NKX1-1: variants seen among roughly 807,000 people sequenced by gnomAD.
NKX1-1 encodes the protein NK1 transcription factor-related protein 1.
Under a neutral mutation model 1.7 loss-of-function variants are expected in NKX1-1, and 7 were observed. The ratio of observed to expected loss-of-function variants is 4.22; its 90% CI spans 2.40 to 7.92. The LOEUF (loss-of-function observed/expected upper bound fraction) is 7.92, where lower values mean the gene tolerates loss of function less well. Ranked by LOEUF, NKX1-1 falls within the 30% of genes most tolerant of loss-of-function variation. The pLI, the probability that NKX1-1 is intolerant of heterozygous loss-of-function variation, is 0.00. For synonymous variants in NKX1-1, 242 were observed against 85.3 expected, an observed-to-expected ratio of 2.84 and a Z score of -10.13; for missense variants, 453 against 171.5, an observed-to-expected ratio of 2.64 and a Z score of -9.17.
chr4:1,404,235 C>A (rs568202156), intron 1 of NKX1-1, among the ~76,000 whole-genome samples: 83 of 152,356 alleles, frequency 5.4e-4, no homozygotes, highest in African/African-American at 1.9e-3. Context: ...AGTGTACAAA[C>A]TAGTTAAGGC....
chr4:1,406,282 G>T lies in NKX1-1; in HGVS notation c.161C>A (p.Pro54Gln), dbSNP rs767512389. ...AGGCACAGTGTCGCTGGCCGCGAGC[G>T]GCGGGGCTCCAGCGCGGGGAAAGGC... ...LPAFPRAGAPPLAASDTVPAA... is the reference protein window; with the variant it reads ...LPAFPRAGAPQLAASDTVPAA... The change falls in exon 1 of 2, where the codon CCG (proline) becomes CAG (glutamine). Residue 54 changes from proline (P) to glutamine (Q), a missense_variant. Pro to Gln is a moderately conservative substitution (Grantham distance 76). Transcript: ENST00000422806. 8 of 410,956 alleles carry T rather than the reference G, an allele frequency of 1.9e-5. No individual in the cohort carries two copies. Among genetic ancestry groups the T allele is most frequent in the Non-Finnish European group, 3.0e-5 (7 of 235,946 alleles). 25.5% of individuals were successfully genotyped at this position (410,956 alleles called of 1,614,324 possible).
Position 1,406,255 on chromosome 4 carries a change from G to A in NKX1-1, c.188C>T (p.Ala63Val), listed in dbSNP as rs1251552066. Residue 63 changes from alanine (A) to valine (V), a missense_variant, in exon 1 of 2, where the codon GCG (alanine) becomes GTG (valine). Ala to Val is a moderately conservative substitution (Grantham distance 64). Transcript: ENST00000422806. ...GGCCGCTCCAGCCCCCTCGGGCGCC[G>A]CAGGCACAGTGTCGCTGGCCGCGAG... ...PPLAASDTVPAAPEGAGAARP... is the reference protein window; with the variant it reads ...PPLAASDTVPVAPEGAGAARP... The A allele has an allele frequency of 6.6e-6, 3 of 453,878 alleles. No homozygotes were observed. The highest frequency in any genetic ancestry group is 1.1e-5 in the Non-Finnish European group (3 of 261,308). The allele number at this position is 453,878 out of a possible 1,614,324, so 28.1% of individuals were successfully genotyped here.
rs757699817 is a variant in NKX1-1, at chr4:1,403,679, T to TTCGTCCTCGTCG, written c.588_599dup (p.Asp196_Asp199dup). 3 of 672,838 alleles carry TTCGTCCTCGTCG rather than the reference T, an allele frequency of 4.5e-6. No individual in the cohort carries two copies. The highest frequency in any genetic ancestry group is 8.0e-6 in the Non-Finnish European group (3 of 375,920). 41.7% of individuals were successfully genotyped at this position (672,838 alleles called of 1,614,324 possible). ...CTCGCGCCGCCTCCGTCTCGGGCGC[T>TTCGTCCTCGTCG]TCGTCCTCGTCGTCGTCCTCGTCGT... is the stretch of plus-strand genomic sequence containing the variant. On this transcript the variant is annotated inframe_insertion, in exon 2 of 2. Coordinates refer to ENST00000422806, the MANE Select transcript of NKX1-1 (RefSeq NM_001290079.1).
At position 1,403,423 on chromosome 4, in the gene NKX1-1, G is replaced by A. The variant is rs1280958300; in HGVS notation, c.856C>T (p.Arg286Cys). The A allele has an allele frequency of 1.1e-5, 7 of 649,442 alleles. No homozygotes were observed. The highest frequency in any genetic ancestry group is 1.7e-5 in the Non-Finnish European group (6 of 359,758). The allele number at this position is 649,442 out of a possible 1,614,324, so 40.2% of individuals were successfully genotyped here. A position where few individuals can be genotyped will look rare whatever the true frequency, so the allele number is the denominator to read the frequency against. The change falls in exon 2 of 2, where the codon CGC becomes TGC. Residue 286 changes from arginine to cysteine, a missense_variant. By Grantham distance (180) the Arg-to-Cys change is radical. Transcript: ENST00000422806. ...TATAAKPKRK[R>C]TGSDSKSGKP... ...CCGGACTTGGAGTCGGACCCCGTGC[G>A]CTTCCGCTTGGGCTTCGCCGCCGTC...
chr4:1,406,282 G>C lies in NKX1-1; in HGVS notation c.161C>G (p.Pro54Arg), dbSNP rs767512389. Reference sequence around the variant, plus strand: ...AGGCACAGTGTCGCTGGCCGCGAGCGGCGGGGCTCCAGCGCGGGGAAAGGC... The same window carrying C: ...AGGCACAGTGTCGCTGGCCGCGAGCCGCGGGGCTCCAGCGCGGGGAAAGGC... ...LPAFPRAGAP[P>R]LAASDTVPAA... The change falls in exon 1 of 2, where the codon CCG (proline) becomes CGG (arginine). Residue 54 changes from proline (P) to arginine (R), a missense_variant. By Grantham distance (103) the Pro-to-Arg change is moderately radical (BLOSUM62 -2). Transcript: ENST00000422806. The C allele has an allele frequency of 3.6e-5, 15 of 411,064 alleles. No individual in the cohort carries two copies. In the East Asian group the frequency reaches 5.2e-4, roughly 14 times the overall value. 25.5% of individuals were successfully genotyped at this position (411,064 alleles called of 1,614,324 possible). A position where few individuals can be genotyped will look rare whatever the true frequency, so the allele number is the denominator to read the frequency against.
chr4:1,404,921 G>T (rs1274870881), intron 1 of NKX1-1, among the ~76,000 whole-genome samples: 1 of 152,206 alleles, frequency 6.6e-6, no homozygotes, highest in African/African-American at 2.4e-5. Context: ...AGACGACCGC[G>T]AGCGCCGTCC....
intron 1 of NKX1-1, among the ~76,000 whole-genome samples, chr4:1,405,707 G>C (rs923253875): frequency 1.3e-5 from 2 of 152,144 alleles, no homozygotes; most frequent in African/African-American, 2.4e-5. Flanking sequence ...GGCCGGAGAC[G>C]CGCGGAGGCG....
At position 1,402,997 on chromosome 4, in the gene NKX1-1, G is replaced by A; in HGVS notation, c.1282C>T (p.Leu428Phe). ...QLPFLSSPAV[L>F]SPFVLGSQTY... ...TGCGAGCCCAGCACGAAGGGCGAGA[G>A]CACCGCCGGGCTCGACAGGAACGGC... Residue 428 changes from leucine to phenylalanine, a missense_variant, in exon 2 of 2, where the codon CTC becomes TTC. Physicochemically the swap from Leu to Phe is conservative, Grantham distance 22. Coordinates refer to ENST00000422806, the MANE Select transcript of NKX1-1 (RefSeq NM_001290079.1). 1 of 647,224 alleles carries A rather than the reference G, an allele frequency of 1.5e-6. No individual in the cohort carries two copies. The allele number at this position is 647,224 out of a possible 1,614,324, so 40.1% of individuals were successfully genotyped here.
rs1720746191 is a variant in NKX1-1, at chr4:1,406,086, G to A, written c.357C>T (p.Cys119=). 1 of 537,174 alleles carries A rather than the reference G, an allele frequency of 1.9e-6. No individual in the cohort carries two copies. 33.3% of individuals were successfully genotyped at this position (537,174 alleles called of 1,614,324 possible). ...AACAPCASAP[C]APAPAASGRP... is the part of the protein sequence containing the mutation. The stretch of plus-strand genomic sequence containing the variant: ...GTCCCGAGGCGGCGGGTGCAGGGGC[G>A]CATGGGGCCGAAGCGCAAGGGGCGC... Residue 119 remains cysteine, a synonymous_variant, in exon 1 of 2, where the codon TGC becomes TGT. Coordinates refer to ENST00000422806, the MANE Select transcript of NKX1-1 (RefSeq NM_001290079.1).
Position 1,403,245 on chromosome 4 carries a change from T to A in NKX1-1, c.1034A>T (p.Gln345Leu). The change falls in exon 2 of 2, where the codon CAG becomes CTG. Residue 345 changes from glutamine to leucine, a missense_variant. By Grantham distance (113) the Gln-to-Leu change is moderately radical (BLOSUM62 -2). Transcript: ENST00000422806. ...LTETQVKIWF[Q>L]NRRTKWKKQN... ...CTTCTTCCACTTGGTTCGGCGGTTC[T>A]GGAACCAGATCTTCACCTGCGTCTC... 1 of 736,948 alleles carries A rather than the reference T, an allele frequency of 1.4e-6. No homozygotes were observed. The highest frequency in any genetic ancestry group is 1.8e-5 in the African/African-American group (1 of 55,878). 45.7% of individuals were successfully genotyped at this position (736,948 alleles called of 1,614,324 possible).
intron 1 of NKX1-1, among the ~76,000 whole-genome samples, chr4:1,405,002 C>T (rs1313751288): frequency 2.0e-5 from 3 of 152,238 alleles, no homozygotes; most frequent in African/African-American, 4.8e-5. Flanking sequence ...CCGGCTTCAG[C>T]GGGATCCCGG....
At position 1,406,003 on chromosome 4, in the gene NKX1-1, C is replaced by A; in HGVS notation, c.440G>T (p.Gly147Val). 2.1e-6 allele frequency: 1 copy of A among 475,546 alleles called. No homozygotes were observed. The highest frequency in any genetic ancestry group is 3.6e-6 in the Non-Finnish European group (1 of 275,344). The allele number at this position is 475,546 out of a possible 1,614,324, so 29.5% of individuals were successfully genotyped here. ...RRALAGAGGV[G>V]AAGAEPPNAG... ...ACTCGGCGGCTCAGCTCCGGCGGCT[C>A]CGACTCCCCCGGCGCCGGCGAGGGC... Residue 147 changes from glycine (G) to valine (V), a missense_variant, in exon 1 of 2, where the codon GGA becomes GTA. Transcript: ENST00000422806.
intron 1 of NKX1-1, among the ~76,000 whole-genome samples, chr4:1,404,017 CG>C (rs970872799): frequency 2.6e-5 from 4 of 152,160 alleles, no homozygotes; most frequent in Non-Finnish European, 5.9e-5. Context: ...TCCCGCCGCC[CG>C]CGTCTCCTCT....
At position 1,405,840 on chromosome 4, in the gene NKX1-1, C is replaced by T. The variant is rs113079298; in HGVS notation, c.463+140G>A. 8.5e-4 allele frequency: 338 copies of T among 396,654 alleles called. 3 individuals carry two copies. Among genetic ancestry groups the T allele is most frequent in the African/African-American group, 5.0e-3 (240 of 48,098 alleles). The allele number at this position is 396,654 out of a possible 1,614,324, so 24.6% of individuals were successfully genotyped here. ...GATGGAGGCCACGGGTGGGCTGGTGCGGACCCGGCGCTCAGCGAACTTTCC... is the reference window on the plus strand; with the variant it reads ...GATGGAGGCCACGGGTGGGCTGGTGTGGACCCGGCGCTCAGCGAACTTTCC... On this transcript the variant is annotated intron_variant, in intron 1 of 1. Transcript: ENST00000422806.
At chr4:1,405,525 T>A (rs1031380510) in intron 1 of NKX1-1, among the ~76,000 whole-genome samples, 5 of 152,096 alleles carry the variant, frequency 3.3e-5, no homozygotes, top group Non-Finnish European at 7.4e-5. Context: ...TTAATTGTTT[T>A]TCCAGCGATA....
Position 1,403,468 on chromosome 4 carries a change from TCCCCGCGCCC to T in NKX1-1, c.801_810del (p.Gly268ProfsTer70). ...GCCGTCGCCGTGCCCTGCGGGGTGG[TCCCCGCGCCC>T]CCCGGCGCCGCTGCACCTCCCGGTG... On this transcript the variant is annotated frameshift_variant, in exon 2 of 2. Coordinates refer to ENST00000422806, the MANE Select transcript of NKX1-1 (RefSeq NM_001290079.1). LOFTEE classifies it low-confidence loss of function (END_TRUNC). The T allele has an allele frequency of 1.7e-6, 1 of 593,262 alleles. No individual in the cohort carries two copies. The highest frequency in any genetic ancestry group is 3.0e-6 in the Non-Finnish European group (1 of 334,112). The allele number at this position is 593,262 out of a possible 1,614,324, so 36.7% of individuals were successfully genotyped here. A position where few individuals can be genotyped will look rare whatever the true frequency, so the allele number is the denominator to read the frequency against.
In NKX1-1 at chr4:1,406,238, C is replaced by T. The variant is rs1720748981; in HGVS notation, c.205G>A (p.Gly69Arg). ...DTVPAAPEGA[G>R]AARPAAPLRP... Reference sequence around the variant, plus strand: ...AGGGGCGCTGCGGGCCGGGCCGCTCCAGCCCCCTCGGGCGCCGCAGGCACA... The same window carrying T: ...AGGGGCGCTGCGGGCCGGGCCGCTCTAGCCCCCTCGGGCGCCGCAGGCACA... The change falls in exon 1 of 2, where the codon GGA (glycine) becomes AGA (arginine). Residue 69 changes from glycine to arginine, a missense_variant. Physicochemically the swap from Gly to Arg is moderately radical, Grantham distance 125. Transcript: ENST00000422806. 2 of 495,256 alleles carry T rather than the reference C, an allele frequency of 4.0e-6. No homozygotes were observed. The highest frequency in any genetic ancestry group is 4.1e-5 in the Admixed American group (1 of 24,564). The allele number at this position is 495,256 out of a possible 1,614,324, so 30.7% of individuals were successfully genotyped here.
In NKX1-1 at chr4:1,403,603, C is replaced by A; in HGVS notation, c.676G>T (p.Gly226Cys). Reference protein sequence around the residue: ...GGGGLGARGSGCQGAAETDAS... With the variant: ...GGGGLGARGSCCQGAAETDAS... The stretch of plus-strand genomic sequence containing the variant: ...TCGGTCTCAGCCGCGCCCTGGCAAC[C>A]CGACCCGCGGGCCCCGAGGCCGCCG... Residue 226 changes from glycine (G) to cysteine (C), a missense_variant, in exon 2 of 2, where the codon GGT becomes TGT. Transcript: ENST00000422806. 2.1e-6 allele frequency: 1 copy of A among 478,596 alleles called. No individual in the cohort carries two copies. The highest frequency in any genetic ancestry group is 3.6e-6 in the Non-Finnish European group (1 of 278,002). The allele number at this position is 478,596 out of a possible 1,614,324, so 29.6% of individuals were successfully genotyped here. A position where few individuals can be genotyped will look rare whatever the true frequency, so the allele number is the denominator to read the frequency against.
chr4:1,406,057 G>A lies in NKX1-1; in HGVS notation c.386C>T (p.Pro129Leu), dbSNP rs928668988. Residue 129 changes from proline to leucine, a missense_variant, in exon 1 of 2, where the codon CCG becomes CTG. By Grantham distance (98) the Pro-to-Leu change is moderately conservative. Transcript: ENST00000422806. ...GCGCTCCAGCTCCTCCGCGCGTGGCGGGCGTCCCGAGGCGGCGGGTGCAGG... is the reference window on the plus strand; with the variant it reads ...GCGCTCCAGCTCCTCCGCGCGTGGCAGGCGTCCCGAGGCGGCGGGTGCAGG... ...CAPAPAASGR[P>L]PRAEELERRA... The A allele has an allele frequency of 4.9e-5, 24 of 492,228 alleles. No individual in the cohort carries two copies. The highest frequency in any genetic ancestry group is 1.7e-4 in the Admixed American group (4 of 23,424). 30.5% of individuals were successfully genotyped at this position (492,228 alleles called of 1,614,324 possible).
Sources: gnomAD v4.1 joint callset for allele counts (sites outside exome capture counted in the v4.1 genomes callset) on GRCh38, gnomAD v4.1.1 for gene constraint, MANE v1.5 for transcripts, NCBI Gene and HGNC (gene_info 2026-07-23, HGNC 2026-07-21) for gene names.